MICU1: variants seen among roughly 807,000 people sequenced by gnomAD.
MICU1 encodes the protein mitochondrial calcium uptake 1.
In MICU1, 45 loss-of-function variants were observed where a neutral mutation model predicts 56.8. The observed-to-expected ratio is 0.79, with a 90% CI of 0.62 to 1.02. MICU1 has a LOEUF of 1.02. Ranked by LOEUF, MICU1 falls within the 50% of genes least tolerant of loss-of-function variation. MICU1 has a pLI of 0.00. For synonymous variants in MICU1, 186 were observed against 195.1 expected, an observed-to-expected ratio of 0.95 and a Z score of 0.39; for missense variants, 504 against 587.1, an observed-to-expected ratio of 0.86 and a Z score of 1.46.
At chr10:72,408,674 G>A (rs1337978687) in intron 9 of MICU1, among the ~76,000 whole-genome samples, 1 of 152,094 alleles carries the variant, frequency 6.6e-6, no homozygotes, top group African/African-American at 2.4e-5. Flanking sequence ...CTTCCTAATT[G>A]GGCTATAGCT....
At chr10:72,378,738 C>T (rs555892218) in intron 10 of MICU1, among the ~76,000 whole-genome samples, 1 of 152,298 alleles carries the variant, frequency 6.6e-6, no homozygotes, top group African/African-American at 2.4e-5. Flanking sequence ...ACCTGGGCTC[C>T]AGTTCTGGCC....
chr10:72,423,266 T>C lies in MICU1; in HGVS notation c.1039A>G (p.Arg347Gly). The change falls in exon 9 of 12, where the codon AGG becomes GGG. Residue 347 changes from arginine to glycine, a missense_variant. Coordinates refer to ENST00000361114, the MANE Select transcript of MICU1 (RefSeq NM_001195518.2). The stretch of plus-strand genomic sequence containing the variant: ...TCTTTGAAGTGCTTCTTGAGCTGCC[T>C]CTGCATGGCGGTCAGCTTCTTGGAC... ...VQSKKLTAMQ[R>G]QLKKHFKEGK... 1.2e-6 allele frequency: 2 copies of C among 1,613,954 alleles called. No homozygotes were observed. The highest frequency in any genetic ancestry group is 4.5e-5 in the East Asian group (2 of 44,880).
intron 6 of MICU1, among the ~76,000 whole-genome samples, chr10:72,496,313 T>C (rs559168802): frequency 1.6e-4 from 24 of 150,930 alleles, no homozygotes; most frequent in Middle Eastern, 3.4e-3. Context: ...TTTTTTTTTT[T>C]TTTTCCGAGA....
chr10:72,405,425 T>C (rs1387993741), intron 10 of MICU1, among the ~76,000 whole-genome samples: 1 of 152,072 alleles, frequency 6.6e-6, no homozygotes, highest in Non-Finnish European at 1.5e-5. Context: ...TTCACCATGT[T>C]GGCCAGCCTG....
chr10:72,595,631 T>C (rs1276810459), intron 1 of MICU1, among the ~76,000 whole-genome samples: 1 of 152,178 alleles, frequency 6.6e-6, no homozygotes, highest in Non-Finnish European at 1.5e-5. Flanking sequence ...CACTTCTGAC[T>C]ACTTTCCTCA....
At chr10:72,576,514 A>G (rs1840750789) in intron 1 of MICU1, among the ~76,000 whole-genome samples, 1 of 152,224 alleles carries the variant, frequency 6.6e-6, no homozygotes, top group African/African-American at 2.4e-5. Flanking sequence ...CTCTTCAATT[A>G]TATGAAAGCT....
At chr10:72,464,982 T>C (rs1242448448) in intron 8 of MICU1, among the ~76,000 whole-genome samples, 3 of 152,190 alleles carry the variant, frequency 2.0e-5, no homozygotes, top group Non-Finnish European at 2.9e-5. Flanking sequence ...ACATGGGTGA[T>C]TGACATAAAA....
At chr10:72,524,960 C>T (rs7898052) in intron 5 of MICU1, among the ~76,000 whole-genome samples, 5,430 of 152,118 alleles carry the variant, frequency 0.036, 311 homozygotes, top group African/African-American at 0.12. Context: ...TGTCTCATTA[C>T]TGTTTCTATA....
intron 1 of MICU1, among the ~76,000 whole-genome samples, chr10:72,589,623 T>C (rs1377356598): frequency 9.1e-6 from 1 of 109,508 alleles, no homozygotes; most frequent in Non-Finnish European, 2.7e-5. Flanking sequence ...AATAGCCCTA[T>C]AAGACATTAA....
At chr10:72,521,323 T>C (rs944127606) in intron 5 of MICU1, among the ~76,000 whole-genome samples, 2 of 152,088 alleles carry the variant, frequency 1.3e-5, no homozygotes, top group Non-Finnish European at 2.9e-5. Context: ...AAAGCAATTT[T>C]GAAAGCAAAC....
intron 8 of MICU1, among the ~76,000 whole-genome samples, chr10:72,470,311 T>G (rs1017103157): frequency 6.6e-6 from 1 of 152,212 alleles, no homozygotes; most frequent in Admixed American, 6.5e-5. Flanking sequence ...TGAAATTTTA[T>G]GTAAGGATGT....
intron 6 of MICU1, 86 bp downstream of exon 6, chr10:72,508,061 CTACCAATA>C: frequency 1.8e-6 from 1 of 562,512 alleles, no homozygotes; most frequent in Non-Finnish European, 2.8e-6. Flanking sequence ...TTCATTAACT[CTACCAATA>C]TGTCTTGTTT....
At chr10:72,503,865 G>GAC (rs59119352) in intron 6 of MICU1, among the ~76,000 whole-genome samples, 3,518 of 146,346 alleles carry the variant, frequency 0.024, 73 homozygotes, top group African/African-American at 0.054. Context: ...ATTTACAATA[G>GAC]ACACACACAC....
At chr10:72,469,982 C>T (rs1865901323) in intron 8 of MICU1, among the ~76,000 whole-genome samples, 1 of 152,166 alleles carries the variant, frequency 6.6e-6, no homozygotes, top group South Asian at 2.1e-4. Flanking sequence ...ATGCAATCAC[C>T]TCTTTAAAGA....
intron 5 of MICU1, among the ~76,000 whole-genome samples, chr10:72,514,892 T>C (rs1348886811): frequency 1.3e-5 from 2 of 152,202 alleles, no homozygotes; most frequent in African/African-American, 4.8e-5. Flanking sequence ...TGTATCTCCT[T>C]ACAAAGCCTC....
intron 5 of MICU1, chr10:72,523,946 C>G: frequency 7.7e-6 from 11 of 1,420,018 alleles, no homozygotes; most frequent in African/African-American, 1.5e-5. Flanking sequence ...TTCTAGGTGT[C>G]CCATTTGTTT....
At chr10:72,382,008 T>TCACA (rs1862725302) in intron 10 of MICU1, among the ~76,000 whole-genome samples, 1 of 88,708 alleles carries the variant, frequency 1.1e-5, no homozygotes, top group African/African-American at 3.5e-5. Context: ...ACACACACAT[T>TCACA]AAGATGGAGA....
chr10:72,548,121 T>C (rs1335378472), intron 4 of MICU1, among the ~76,000 whole-genome samples: 2 of 152,242 alleles, frequency 1.3e-5, no homozygotes, highest in Admixed American at 6.5e-5. Flanking sequence ...AGATGCTCTA[T>C]AGGAGAAAGC....
intron 1 of MICU1, among the ~76,000 whole-genome samples, chr10:72,609,972 T>TTAAACC (rs1841799189): frequency 1.3e-5 from 2 of 150,628 alleles, no homozygotes; most frequent in East Asian, 3.9e-4. Flanking sequence ...GGGGCGGAGG[T>TTAAACC]TGCAGTGAGC....
Sources: gnomAD v4.1 joint callset for allele counts (sites outside exome capture counted in the v4.1 genomes callset) on GRCh38, gnomAD v4.1.1 for gene constraint, MANE v1.5 for transcripts, NCBI Gene and HGNC (gene_info 2026-07-23, HGNC 2026-07-21) for gene names.